Variants in CLEC9A observed in about 807,000 individuals in gnomAD.
CLEC9A encodes the protein C-type lectin domain containing 9A, also known as C-type lectin domain family 9 member A.
A neutral mutation model predicts 30.0 loss-of-function variants in CLEC9A; 24 were observed. The observed-to-expected ratio is 0.80, with a 90% confidence interval of 0.58 to 1.13. The LOEUF is 1.13. CLEC9A is among the 50% of genes most tolerant of loss of function. The pLI, the probability that CLEC9A is intolerant of heterozygous loss-of-function variation, is 0.00. For missense variants in CLEC9A, 251 were observed against 280.9 expected (o/e 0.89, Z 0.76); for synonymous variants, 111 against 96.8 (o/e 1.15, Z -0.86).
intron 7 of CLEC9A, 149 bp from the exon 8 acceptor site, chr12:10,064,583 T>A (rs1417773893): frequency 3.6e-5 from 28 of 767,682 alleles, no homozygotes; most frequent in Non-Finnish European, 5.3e-5. Context: ...AAAAAATGTA[T>A]CGGCACTTTT....
Position 10,065,895 on chromosome 12 carries a change from ATAATTT to A in CLEC9A, c.*265_*270del. ...AAGAGTTAAGAACAAACGCAAGGAAATAATTTTTATTGTTTAAAGCCCGGAATGACT... is the reference window on the plus strand; with the variant it reads ...AAGAGTTAAGAACAAACGCAAGGAAATTATTGTTTAAAGCCCGGAATGACT... On this transcript the variant is annotated 3_prime_UTR_variant, in exon 9 of 9. Transcript: ENST00000355819. The A allele has an allele frequency of 9.6e-6, 3 of 312,384 alleles. No individual in the cohort carries two copies. In the South Asian group the frequency reaches 2.2e-4, roughly 23 times the overall value. The allele number at this position is 312,384 out of a possible 1,614,324, so 19.4% of individuals were successfully genotyped here.
intron 1 of CLEC9A, among the ~76,000 whole-genome samples, chr12:10,032,652 A>G (rs529996585): frequency 3.9e-5 from 6 of 151,990 alleles, no homozygotes; most frequent in African/African-American, 1.4e-4. Flanking sequence ...CGGCCTCCCA[A>G]CGAGCTGGGA....
At chr12:10,061,981 G>C (rs757704148) in intron 6 of CLEC9A, among the ~76,000 whole-genome samples, 1 of 152,122 alleles carries the variant, frequency 6.6e-6, no homozygotes, top group Non-Finnish European at 1.5e-5. Context: ...AAATTTAATC[G>C]AGTGTTTGAA....
chr12:10,032,262 G>C (rs11835234), intron 1 of CLEC9A, among the ~76,000 whole-genome samples: 8,511 of 152,092 alleles, frequency 0.056, 627 homozygotes, highest in African/African-American at 0.17. Context: ...ACAAGAACTC[G>C]GGCAAAGACG....
intron 5 of CLEC9A, among the ~76,000 whole-genome samples, chr12:10,056,189 A>C (rs1206658443): frequency 4.6e-5 from 7 of 151,750 alleles, no homozygotes; most frequent in African/African-American, 1.7e-4. Context: ...CCTATAAATC[A>C]TGTTCCTAAG....
chr12:10,065,391 G>A (rs1415361716), intron 8 of CLEC9A, 109 bp from the exon 9 acceptor site: 3 of 1,229,400 alleles, frequency 2.4e-6, no homozygotes, highest in African/African-American at 1.5e-5. Flanking sequence ...GGAAGTTGCT[G>A]TGTCAACACA....
At chr12:10,051,548 C>T (rs1422774385) in intron 2 of CLEC9A, among the ~76,000 whole-genome samples, 2 of 152,140 alleles carry the variant, frequency 1.3e-5, no homozygotes. Context: ...TAATTAAATG[C>T]CCTTAGATTA....
At chr12:10,048,102 G>A (rs1464409142) in intron 2 of CLEC9A, among the ~76,000 whole-genome samples, 3 of 138,614 alleles carry the variant, frequency 2.2e-5, no homozygotes, top group Admixed American at 7.2e-5. Context: ...GCGCGGTGGC[G>A]GGCGCCTGTA....
chr12:10,063,742 G>A (rs575346875), intron 7 of CLEC9A, among the ~76,000 whole-genome samples: 1 of 152,280 alleles, frequency 6.6e-6, no homozygotes, highest in African/African-American at 2.4e-5. Flanking sequence ...TAGGCTGGGC[G>A]GGGTGGCTCA....
intron 2 of CLEC9A, among the ~76,000 whole-genome samples, chr12:10,048,558 C>T (rs1865867754): frequency 6.6e-6 from 1 of 152,160 alleles, no homozygotes; most frequent in Non-Finnish European, 1.5e-5. Flanking sequence ...TATTTGAAAT[C>T]CTTTGTTATT....
chr12:10,053,963 G>A (rs1415638811), intron 4 of CLEC9A, among the ~76,000 whole-genome samples: 4 of 152,008 alleles, frequency 2.6e-5, no homozygotes, highest in Non-Finnish European at 4.4e-5. Context: ...AAAGATTGTT[G>A]GAAAAGAATA....
At chr12:10,052,967 G>A (rs1419755032) in intron 4 of CLEC9A, 189 bp downstream of exon 4, 11 of 523,474 alleles carry the variant, frequency 2.1e-5, no homozygotes, top group South Asian at 5.2e-5. Flanking sequence ...AGCAATACAC[G>A]TGATAAACGT....
chr12:10,062,687 G>A (rs1866008062), intron 6 of CLEC9A, among the ~76,000 whole-genome samples: 1 of 151,940 alleles, frequency 6.6e-6, no homozygotes, highest in South Asian at 2.1e-4. Flanking sequence ...GGCTAAATTG[G>A]GGCAGTAAGA....
At chr12:10,045,035 A>G (rs536668034) in intron 2 of CLEC9A, among the ~76,000 whole-genome samples, 40 of 152,324 alleles carry the variant, frequency 2.6e-4, no homozygotes, top group African/African-American at 7.9e-4. Flanking sequence ...GCTCAAAAAT[A>G]TTGAATCAAC....
chr12:10,064,944 G>A, intron 8 of CLEC9A, 91 bp downstream of exon 8: 2 of 1,435,548 alleles, frequency 1.4e-6, no homozygotes, highest in South Asian at 2.9e-5. Flanking sequence ...TTTTCTCCAA[G>A]GGACAAGCAG....
intron 1 of CLEC9A, among the ~76,000 whole-genome samples, chr12:10,038,826 A>C (rs1865766010): frequency 6.7e-6 from 1 of 148,982 alleles, no homozygotes; most frequent in Non-Finnish European, 1.5e-5. Context: ...TAGTTATAGG[A>C]TGGGTGGGCA....
chr12:10,037,614 G>C (rs1186853380), intron 1 of CLEC9A, among the ~76,000 whole-genome samples: 1 of 152,148 alleles, frequency 6.6e-6, no homozygotes, highest in African/African-American at 2.4e-5. Flanking sequence ...GAGGAAACTG[G>C]AGGACCCAGG....
chr12:10,063,142 C>T lies in CLEC9A; in HGVS notation c.407C>T (p.Thr136Ile). The T allele has an allele frequency of 1.2e-6, 2 of 1,611,976 alleles. No individual in the cohort carries two copies. The highest frequency in any genetic ancestry group is 1.7e-6 in the Non-Finnish European group (2 of 1,179,224). ...YVSEIWSIWH[T>I]SQENCLKEGS... The stretch of plus-strand genomic sequence containing the variant: ...TCTGAAATTTGGAGCATTTGGCACA[C>T]CAGTCAAGAGAATTGTTTAAAGGAA... Residue 136 changes from threonine to isoleucine, a missense_variant, in exon 7 of 9, where the codon ACC becomes ATC. By Grantham distance (89) the Thr-to-Ile change is moderately conservative. Coordinates refer to ENST00000355819, the MANE Select transcript of CLEC9A (RefSeq NM_207345.4).
Position 10,065,822 on chromosome 12 carries a change from A to G in CLEC9A, c.*190A>G, listed in dbSNP as rs1591897141. On this transcript the variant is annotated 3_prime_UTR_variant, in exon 9 of 9. Transcript: ENST00000355819. Reference sequence around the variant, plus strand: ...GTCCAGATTTCATTTGATGTTGTTCACATTGCAAGAGTAAAACTTATTTAG... The same window carrying G: ...GTCCAGATTTCATTTGATGTTGTTCGCATTGCAAGAGTAAAACTTATTTAG... The G allele has an allele frequency of 1.8e-6, 1 of 549,910 alleles. No homozygotes were observed. The highest frequency in any genetic ancestry group is 1.9e-5 in the African/African-American group (1 of 51,758). 34.1% of individuals were successfully genotyped at this position (549,910 alleles called of 1,614,324 possible). A position where few individuals can be genotyped will look rare whatever the true frequency, so the allele number is the denominator to read the frequency against.
Sources: gnomAD v4.1 joint callset for allele counts (sites outside exome capture counted in the v4.1 genomes callset) on GRCh38, gnomAD v4.1.1 for gene constraint, MANE v1.5 for transcripts, NCBI Gene and HGNC (gene_info 2026-07-23, HGNC 2026-07-21) for gene names.